EPC2: variants seen among roughly 807,000 people sequenced by gnomAD.
The protein encoded by EPC2 is enhancer of polycomb homolog 2.
A neutral mutation model predicts 92.1 loss-of-function variants in EPC2; 14 were observed. The observed-to-expected ratio is 0.15, with a 90% confidence interval of 0.10 to 0.24. EPC2 has a LOEUF of 0.24. EPC2 is among the 10% of genes least tolerant of loss of function. The probability of loss-of-function intolerance (pLI) is 1.00; values close to 1 mark genes in which losing one functional copy is unlikely to be tolerated. For missense variants in EPC2, 755 were observed against 971.5 expected (o/e 0.78, Z 2.96); for synonymous variants, 340 against 334.7 (o/e 1.02, Z -0.17).
intron 1 of EPC2, among the ~76,000 whole-genome samples, chr2:148,682,918 A>T (rs1469099440): frequency 1.3e-5 from 2 of 152,092 alleles, no homozygotes; most frequent in East Asian, 3.9e-4. Flanking sequence ...CAACTAATAT[A>T]TTTAATGTGT....
chr2:148,695,783 T>C (rs776730765), intron 2 of EPC2, among the ~76,000 whole-genome samples: 2 of 152,216 alleles, frequency 1.3e-5, no homozygotes, highest in Non-Finnish European at 2.9e-5. Context: ...CTATTGGATG[T>C]GTATTAAGAA....
intron 10 of EPC2, among the ~76,000 whole-genome samples, chr2:148,771,731 A>G (rs1488519063): frequency 6.6e-6 from 1 of 152,018 alleles, no homozygotes; most frequent in Non-Finnish European, 1.5e-5. Flanking sequence ...ATTAAATGTA[A>G]CCATTGCTCC....
At chr2:148,689,421 G>T (rs368843631) in intron 1 of EPC2, among the ~76,000 whole-genome samples, 74 of 152,122 alleles carry the variant, frequency 4.9e-4, no homozygotes, top group African/African-American at 1.8e-3. Flanking sequence ...CTTTTGATCC[G>T]CCCATCTTGG....
chr2:148,762,606 C>T, intron 5 of EPC2, 64 bp from the exon 6 acceptor site: 1 of 1,236,926 alleles, frequency 8.1e-7, no homozygotes, highest in East Asian at 2.6e-5. Context: ...TGAGGTATCA[C>T]TTATTTTCCT....
At chr2:148,717,353 T>C (rs1265406303) in intron 2 of EPC2, among the ~76,000 whole-genome samples, 1 of 152,200 alleles carries the variant, frequency 6.6e-6, no homozygotes, top group Admixed American at 6.5e-5. Flanking sequence ...CTTCAGATCT[T>C]TCTAGCTTCT....
At chr2:148,724,234 A>C (rs1682442521) in intron 2 of EPC2, among the ~76,000 whole-genome samples, 1 of 151,920 alleles carries the variant, frequency 6.6e-6, no homozygotes, top group Admixed American at 6.6e-5. Context: ...ATTTTTCTCA[A>C]TATTTTTGTT....
chr2:148,726,432 GCA>G (rs1263854747), intron 2 of EPC2, among the ~76,000 whole-genome samples: 1 of 152,094 alleles, frequency 6.6e-6, no homozygotes, highest in Admixed American at 6.6e-5. Context: ...TACCAGCAGT[GCA>G]CAGTTTCACT....
chr2:148,663,194 G>T (rs542805518), intron 1 of EPC2, among the ~76,000 whole-genome samples: 5,156 of 136,380 alleles, frequency 0.038, 158 homozygotes, highest in South Asian at 0.052. Context: ...CTGTGTTTTT[G>T]TATTATTATT....
chr2:148,745,541 C>T (rs1232238368), intron 3 of EPC2, among the ~76,000 whole-genome samples: 2 of 152,090 alleles, frequency 1.3e-5, no homozygotes, highest in Non-Finnish European at 2.9e-5. Flanking sequence ...CAGCCCCATC[C>T]TATTTTAGTT....
At chr2:148,772,538 C>G (rs1217095498) in intron 10 of EPC2, among the ~76,000 whole-genome samples, 1 of 152,060 alleles carries the variant, frequency 6.6e-6, no homozygotes. Context: ...ACTGAACTGC[C>G]TGTTTTCCAA....
At chr2:148,721,890 CTT>C in intron 2 of EPC2, among the ~76,000 whole-genome samples, 13 of 60,774 alleles carry the variant, frequency 2.1e-4, no homozygotes, top group Admixed American at 4.9e-4. Context: ...GTTTTGATTT[CTT>C]TTTTTTTTTT....
At chr2:148,696,991 G>C (rs772943281) in intron 2 of EPC2, among the ~76,000 whole-genome samples, 1 of 152,190 alleles carries the variant, frequency 6.6e-6, no homozygotes, top group Non-Finnish European at 1.5e-5. Flanking sequence ...AACATTTACT[G>C]ACCTCTGTAT....
rs1682928689 is a variant in EPC2 at position 148,743,784 on chromosome 2, A to G, written c.459+17A>G. The stretch of plus-strand genomic sequence containing the variant: ...TCTAATCAGGTACTGTACCATGTAA[A>G]GATGTCTCTTATCTTCTAGTTAACC... On this transcript the variant is annotated intron_variant, in intron 3 of 13. Transcript: ENST00000258484. 1 of 1,507,874 alleles carries G rather than the reference A, an allele frequency of 6.6e-7. No homozygotes were observed. The highest frequency in any genetic ancestry group is 8.8e-7 in the Non-Finnish European group (1 of 1,133,200). The allele number at this position is 1,507,874 out of a possible 1,614,324, so 93.4% of individuals were successfully genotyped here. A position where few individuals can be genotyped will look rare whatever the true frequency, so the allele number is the denominator to read the frequency against.
intron 2 of EPC2, among the ~76,000 whole-genome samples, chr2:148,694,440 G>C (rs946004829): frequency 9.2e-5 from 14 of 152,132 alleles, no homozygotes; most frequent in Non-Finnish European, 2.1e-4. Flanking sequence ...GAAGCATCCT[G>C]AAGGCACAAA....
chr2:148,746,393 C>G lies in EPC2; in HGVS notation c.459+2626C>G, dbSNP rs551361600. The stretch of plus-strand genomic sequence containing the variant: ...TCTTCAGTAACTCCCAAACTCAGAT[C>G]CATCCATTTTTTATCCCTTTCCTTC... On this transcript the variant is annotated intron_variant, in intron 3 of 13. Transcript: ENST00000258484. Among the ~76,000 whole-genome samples, 7 of 152,158 alleles carry G rather than the reference C, an allele frequency of 4.6e-5. No individual in the cohort carries two copies. The South Asian group carries it at 1.2e-3, about 27-fold the overall frequency.
intron 2 of EPC2, among the ~76,000 whole-genome samples, chr2:148,730,856 T>TA (rs1195163224): frequency 2.0e-5 from 3 of 152,262 alleles, no homozygotes; most frequent in Non-Finnish European, 4.4e-5. Context: ...GCTAGACTTG[T>TA]AAACTATTCA....
chr2:148,751,496 C>T (rs1683081989), intron 3 of EPC2, among the ~76,000 whole-genome samples: 1 of 151,932 alleles, frequency 6.6e-6, no homozygotes, highest in Non-Finnish European at 1.5e-5. Context: ...GAATGAATTA[C>T]GTGCTAAATG....
chr2:148,706,546 C>G (rs1311883195), intron 2 of EPC2, among the ~76,000 whole-genome samples: 2 of 152,154 alleles, frequency 1.3e-5, no homozygotes, highest in Non-Finnish European at 2.9e-5. Context: ...ACATAATTGT[C>G]AGATTCACCA....
At chr2:148,746,270 A>G (rs944260700) in intron 3 of EPC2, among the ~76,000 whole-genome samples, 6 of 151,810 alleles carry the variant, frequency 4.0e-5, no homozygotes, top group East Asian at 1.9e-4. Context: ...GGTTTTGCCT[A>G]TTAACATCTT....
Sources: allele counts gnomAD v4.1 joint callset (sites outside exome capture counted in the v4.1 genomes callset), GRCh38; gene constraint gnomAD v4.1.1; transcripts MANE v1.5; gene names NCBI Gene and HGNC (gene_info 2026-07-23, HGNC 2026-07-21).